Variants in SLC24A2 observed in about 807,000 individuals in gnomAD.
SLC24A2 encodes solute carrier family 24 member 2.
In SLC24A2, 36 loss-of-function variants were observed where a neutral mutation model predicts 62.0. That is an observed-to-expected ratio of 0.58 (90% CI 0.44 to 0.77). The LOEUF (loss-of-function observed/expected upper bound fraction) is 0.77. SLC24A2 is among the 30% of genes least tolerant of loss of function. The pLI is 0.00. For synonymous variants in SLC24A2, 358 were observed against 294.0 expected (o/e 1.22, Z -2.23); for missense variants, 846 against 817.9 (o/e 1.03, Z -0.42).
the SLC24A2 span, among the ~76,000 whole-genome samples, chr9:19,950,605 T>G: frequency 5.3e-5 from 8 of 152,242 alleles, no homozygotes; most frequent in African/African-American, 1.7e-4. Context: ...TCGATGAACA[T>G]TTATTAAGCA....
chr9:19,650,531 C>A (rs1818769297), intron 2 of SLC24A2, among the ~76,000 whole-genome samples: 1 of 152,156 alleles, frequency 6.6e-6, no homozygotes, highest in Non-Finnish European at 1.5e-5. Context: ...AGCCTCCCAT[C>A]CCAGAGAAAC....
the SLC24A2 span, among the ~76,000 whole-genome samples, chr9:20,258,958 G>A: frequency 9.3e-4 from 142 of 152,178 alleles, 1 homozygote; most frequent in Non-Finnish European, 1.5e-3. Flanking sequence ...AAGGCTCTGA[G>A]AAGGGGAGAG....
chr9:19,856,572 C>G, the SLC24A2 span, among the ~76,000 whole-genome samples: 17 of 152,172 alleles, frequency 1.1e-4, no homozygotes, highest in East Asian at 2.3e-3. Context: ...TTCTGAGGGT[C>G]CACTCCAGAC....
At chr9:20,196,917 A>C in the SLC24A2 span, among the ~76,000 whole-genome samples, 1 of 152,222 alleles carries the variant, frequency 6.6e-6, no homozygotes, top group African/African-American at 2.4e-5. Context: ...TAAAGTAGAA[A>C]TCATGCTTAT....
At chr9:20,105,956 C>T in the SLC24A2 span, among the ~76,000 whole-genome samples, 7 of 151,994 alleles carry the variant, frequency 4.6e-5, no homozygotes, top group Admixed American at 1.3e-4. Flanking sequence ...GCTGGCAAGA[C>T]TAATAAAGAA....
At chr9:20,066,631 T>C in the SLC24A2 span, among the ~76,000 whole-genome samples, 18 of 152,266 alleles carry the variant, frequency 1.2e-4, no homozygotes, top group African/African-American at 4.3e-4. Context: ...AATGGAAGCA[T>C]AAAAAATTTA....
chr9:19,546,261 A>C (rs1341987366), intron 8 of SLC24A2, among the ~76,000 whole-genome samples: 1 of 152,270 alleles, frequency 6.6e-6, no homozygotes, highest in South Asian at 2.1e-4. Context: ...GTAGGCAGGG[A>C]CGTTTAAGTC....
chr9:20,200,465 C>A, the SLC24A2 span, among the ~76,000 whole-genome samples: 14 of 152,364 alleles, frequency 9.2e-5, no homozygotes, highest in South Asian at 2.7e-3. Flanking sequence ...TCCCGCTAAA[C>A]CCACACTAAA....
At chr9:19,741,706 A>G (rs1821683658) in intron 2 of SLC24A2, among the ~76,000 whole-genome samples, 1 of 152,144 alleles carries the variant, frequency 6.6e-6, no homozygotes, top group Admixed American at 6.6e-5. Context: ...TGCCTCCAGA[A>G]TGGGTCTTGA....
the SLC24A2 span, among the ~76,000 whole-genome samples, chr9:20,095,773 G>C: frequency 1.4e-3 from 214 of 151,778 alleles, 1 homozygote; most frequent in African/African-American, 5.0e-3. Context: ...AAAAAAAAGA[G>C]TTTTAATGGA....
At chr9:20,229,453 C>A in the SLC24A2 span, among the ~76,000 whole-genome samples, 15 of 152,270 alleles carry the variant, frequency 9.9e-5, no homozygotes, top group East Asian at 2.7e-3. Flanking sequence ...TGTGTACAAG[C>A]TTTTACTTGT....
chr9:19,855,176 T>A, the SLC24A2 span, among the ~76,000 whole-genome samples: 1 of 152,202 alleles, frequency 6.6e-6, no homozygotes, highest in Non-Finnish European at 1.5e-5. Context: ...TTTGAGCCTA[T>A]GGGTGTCTTT....
intron 8 of SLC24A2, among the ~76,000 whole-genome samples, chr9:19,536,204 ATTTT>A (rs1366228562): frequency 7.7e-6 from 1 of 129,824 alleles, no homozygotes; most frequent in South Asian, 2.4e-4. Context: ...TTATTTATTT[ATTTT>A]TTTTTATTAC....
At chr9:20,058,122 A>G in the SLC24A2 span, among the ~76,000 whole-genome samples, 1 of 152,230 alleles carries the variant, frequency 6.6e-6, no homozygotes, top group Non-Finnish European at 1.5e-5. Context: ...TGATGGAAAG[A>G]GGGCAGTTAA....
the SLC24A2 span, among the ~76,000 whole-genome samples, chr9:20,235,039 C>G: frequency 2.0e-5 from 3 of 152,208 alleles, no homozygotes; most frequent in Non-Finnish European, 4.4e-5. Context: ...TGCAGAACAG[C>G]AGATTTTGGT....
the SLC24A2 span, among the ~76,000 whole-genome samples, chr9:19,920,939 C>T: frequency 6.6e-6 from 1 of 152,120 alleles, no homozygotes; most frequent in African/African-American, 2.4e-5. Context: ...AATCTCTTGG[C>T]ACTCAGTTCC....
At chr9:19,563,666 T>A (rs1361022316) in intron 7 of SLC24A2, among the ~76,000 whole-genome samples, 2 of 152,198 alleles carry the variant, frequency 1.3e-5, no homozygotes, top group African/African-American at 2.4e-5. Flanking sequence ...ACAAAACTTC[T>A]GATTTTTATA....
At chr9:19,974,965 A>T in the SLC24A2 span, among the ~76,000 whole-genome samples, 2 of 152,312 alleles carry the variant, frequency 1.3e-5, no homozygotes, top group South Asian at 2.1e-4. Context: ...GAAGGATGGG[A>T]GGAAGGCTCC....
At chr9:19,569,982 ATTTTCCTTCCATCCT>A (rs1298718821) in intron 7 of SLC24A2, among the ~76,000 whole-genome samples, 1 of 152,056 alleles carries the variant, frequency 6.6e-6, no homozygotes, top group African/African-American at 2.4e-5. Flanking sequence ...GAGCCTCTCC[ATTTTCCTTCCATCCT>A]ATCACACTGC....
Sources: allele counts gnomAD v4.1 joint callset (sites outside exome capture counted in the v4.1 genomes callset), GRCh38; gene constraint gnomAD v4.1.1; transcripts MANE v1.5; gene names NCBI Gene and HGNC (gene_info 2026-07-23, HGNC 2026-07-21).